GREM2: variants seen among roughly 807,000 people sequenced by gnomAD.
GREM2 encodes gremlin-2.
In GREM2, 11 loss-of-function variants were observed where a neutral mutation model predicts 14.2. That is an observed-to-expected ratio of 0.78 (90% CI 0.49 to 1.28). GREM2 has a LOEUF of 1.28. GREM2 is among the 50% of genes most tolerant of loss of function. The pLI is 0.00. For synonymous variants in GREM2, 98 were observed against 97.6 expected (o/e 1.00, Z -0.02); for missense variants, 210 against 218.5 (o/e 0.96, Z 0.24).
intron 1 of GREM2, among the ~76,000 whole-genome samples, chr1:240,588,108 A>G (rs1460210163): frequency 6.6e-6 from 1 of 152,080 alleles, no homozygotes; most frequent in Non-Finnish European, 1.5e-5. Flanking sequence ...GTGGAGTACA[A>G]ATATCTTGGT....
chr1:240,537,410 G>A (rs1233758126), intron 1 of GREM2, among the ~76,000 whole-genome samples: 2 of 152,114 alleles, frequency 1.3e-5, no homozygotes, highest in Non-Finnish European at 2.9e-5. Flanking sequence ...AGAGAACACA[G>A]AGATGGACAC....
At chr1:240,537,905 AAAC>A in intron 1 of GREM2, among the ~76,000 whole-genome samples, 1 of 152,378 alleles carries the variant, frequency 6.6e-6, no homozygotes, top group African/African-American at 2.4e-5. Flanking sequence ...TCCATTATTT[AAAC>A]AATAACTTTC....
rs191277863 is a variant in GREM2 at position 240,524,450 on chromosome 1, A to C, written c.-1-30974T>G. On this transcript the variant is annotated intron_variant, in intron 1 of 1. Transcript: ENST00000318160. ...GAGTTCAGAAAAAAAACATAGATAC[A>C]TTTGGGAATTTAAGAAGTGATTTAT... Among the ~76,000 whole-genome samples the C allele has an allele frequency of 7.2e-5, 11 of 152,370 alleles. No homozygotes were observed. In the East Asian group the frequency reaches 2.1e-3, roughly 29 times the overall value.
At chr1:240,547,978 G>A (rs560774434) in intron 1 of GREM2, among the ~76,000 whole-genome samples, 9 of 152,016 alleles carry the variant, frequency 5.9e-5, no homozygotes, top group South Asian at 4.2e-4. Context: ...AAAGAAAGAC[G>A]CGGCTGGGCA....
intron 1 of GREM2, among the ~76,000 whole-genome samples, chr1:240,594,903 T>C (rs1302958948): frequency 6.6e-6 from 1 of 152,140 alleles, no homozygotes. Context: ...GTTACTGTAC[T>C]GAATAGTATA....
chr1:240,586,594 G>A (rs1679603489), intron 1 of GREM2, among the ~76,000 whole-genome samples: 1 of 152,170 alleles, frequency 6.6e-6, no homozygotes, highest in Admixed American at 6.5e-5. Flanking sequence ...GAGCCGAGGA[G>A]AGACACATGA....
At chr1:240,499,794 G>A (rs1316693142) in intron 1 of GREM2, among the ~76,000 whole-genome samples, 1 of 151,886 alleles carries the variant, frequency 6.6e-6, no homozygotes, top group Non-Finnish European at 1.5e-5. Flanking sequence ...ATAAAGTTAT[G>A]TTGGAACACA....
At chr1:240,606,797 G>GCCTC (rs1381975473) in intron 1 of GREM2, among the ~76,000 whole-genome samples, 6 of 151,122 alleles carry the variant, frequency 4.0e-5, no homozygotes, top group Non-Finnish European at 8.8e-5. Flanking sequence ...TCCTGCCACA[G>GCCTC]CCTCCCAAGT....
In GREM2 at chr1:240,493,412, G is replaced by T; in HGVS notation, c.64C>A (p.Arg22=). 1 of 1,613,102 alleles carries T rather than the reference G, an allele frequency of 6.2e-7. No homozygotes were observed. Among genetic ancestry groups the T allele is most frequent in the Non-Finnish European group, 8.5e-7 (1 of 1,179,738 alleles). Reference sequence around the variant, plus strand: ...ATGGCGCCCGCCGGCCGGTTCTTCCGGGCTTCCGCCACCTTCACCAGCACC... The same window carrying T: ...ATGGCGCCCGCCGGCCGGTTCTTCCTGGCTTCCGCCACCTTCACCAGCACC... ...VAVLVKVAEA[R]KNRPAGAIPS... The change falls in exon 2 of 2, where the codon CGG becomes AGG. Residue 22 remains arginine (R), a synonymous_variant. Coordinates refer to ENST00000318160, the MANE Select transcript of GREM2 (RefSeq NM_022469.4).
At chr1:240,549,999 G>A (rs1678812859) in intron 1 of GREM2, 1 of 152,262 alleles carries the variant, frequency 6.6e-6, no homozygotes, top group Admixed American at 6.6e-5. Flanking sequence ...GGAATGCCAT[G>A]TCAGGGGCAC....
intron 1 of GREM2, among the ~76,000 whole-genome samples, chr1:240,533,128 T>C (rs952868674): frequency 6.6e-6 from 1 of 152,114 alleles, no homozygotes; most frequent in African/African-American, 2.4e-5. Context: ...TTATGAGATG[T>C]ATGAGACAGG....
At position 240,544,411 on chromosome 1, in the gene GREM2, T is replaced by C. The variant is rs61053487; in HGVS notation, c.-1-50935A>G. On this transcript the variant is annotated intron_variant, in intron 1 of 1. Coordinates refer to ENST00000318160, the MANE Select transcript of GREM2 (RefSeq NM_022469.4). ...ATCTGCCCGCCTTGGCCTCCCAAAGTGCTGGGATTACAGGCGTGAGCCACC... is the reference window on the plus strand; with the variant it reads ...ATCTGCCCGCCTTGGCCTCCCAAAGCGCTGGGATTACAGGCGTGAGCCACC... 6.6e-3 allele frequency among the ~76,000 whole-genome samples: 1,000 copies of C among 152,198 alleles called. 10 individuals carry two copies. Among genetic ancestry groups the C allele is most frequent in the African/African-American group, 0.023 (963 of 41,528 alleles).
At chr1:240,500,367 T>C (rs914066042) in intron 1 of GREM2, among the ~76,000 whole-genome samples, 7 of 151,906 alleles carry the variant, frequency 4.6e-5, no homozygotes, top group Admixed American at 6.6e-5. Flanking sequence ...GGCGCGATCT[T>C]GGCTCACTGC....
chr1:240,536,640 CGGGGGCTGT>C (rs1558153603), intron 1 of GREM2, among the ~76,000 whole-genome samples: 1 of 142,366 alleles, frequency 7.0e-6, no homozygotes. Flanking sequence ...AAAATGGCAG[CGGGGGCTGT>C]AGATCTGGAA....
rs185393997 is a variant in GREM2, at chr1:240,609,648, C to T, written c.-2+2236G>A. 5.2e-4 allele frequency among the ~76,000 whole-genome samples: 79 copies of T among 152,186 alleles called. No individual in the cohort carries two copies. The East Asian group carries it at 0.014, about 27-fold the overall frequency. On this transcript the variant is annotated intron_variant, in intron 1 of 1. Transcript: ENST00000318160. ...GACCCTGATACTGAGAACATGCCTGCAACCTGGCACGTTGCACAGGGGCAA... is the reference window on the plus strand; with the variant it reads ...GACCCTGATACTGAGAACATGCCTGTAACCTGGCACGTTGCACAGGGGCAA...
At chr1:240,601,771 G>T (rs942310520) in intron 1 of GREM2, among the ~76,000 whole-genome samples, 7 of 152,052 alleles carry the variant, frequency 4.6e-5, no homozygotes, top group Non-Finnish European at 8.8e-5. Flanking sequence ...GCCAGGCATG[G>T]TGGCACATGC....
At chr1:240,602,966 G>A (rs1052091393) in intron 1 of GREM2, among the ~76,000 whole-genome samples, 5 of 152,108 alleles carry the variant, frequency 3.3e-5, no homozygotes, top group African/African-American at 4.8e-5. Flanking sequence ...CCAGCTACTC[G>A]GGAGGCTGAG....
chr1:240,510,239 G>A (rs369860852), intron 1 of GREM2, among the ~76,000 whole-genome samples: 45 of 151,738 alleles, frequency 3.0e-4, no homozygotes, highest in Middle Eastern at 3.4e-3. Context: ...GCGTGGTGGC[G>A]GGCGCCTGTA....
rs975355153 is a variant in GREM2, at chr1:240,492,986, C to A, written c.490G>T (p.Asp164Tyr). The part of the protein sequence containing the change: ...QCRCMSVNLS[D>Y]SDKQ ...CCCGGCGCTCACTGCTTGTCCGAGT[C>A]GCTCAGGTTCACGGACATGCACCGG... The change falls in exon 2 of 2, where the codon GAC becomes TAC. Residue 164 changes from aspartate to tyrosine, a missense_variant. Coordinates refer to ENST00000318160, the MANE Select transcript of GREM2 (RefSeq NM_022469.4). 6.5e-7 allele frequency: 1 copy of A among 1,546,574 alleles called. No homozygotes were observed. The highest frequency in any genetic ancestry group is 1.2e-5 in the South Asian group (1 of 81,236).
Sources: gnomAD v4.1 joint callset for allele counts (sites outside exome capture counted in the v4.1 genomes callset) on GRCh38, gnomAD v4.1.1 for gene constraint, MANE v1.5 for transcripts, NCBI Gene and HGNC (gene_info 2026-07-23, HGNC 2026-07-21) for gene names.